ATF6: variants seen among roughly 807,000 people sequenced by gnomAD.
ATF6 encodes cyclic AMP-dependent transcription factor ATF-6 alpha.
In ATF6, 53 loss-of-function variants were observed where a neutral mutation model predicts 83.6. The observed-to-expected ratio is 0.63, with a 90% confidence interval of 0.51 to 0.80. The LOEUF is 0.80. Ranked by LOEUF, ATF6 falls within the 30% of genes least tolerant of loss-of-function variation. The probability of loss-of-function intolerance (pLI) is 0.00; values close to 1 mark genes in which losing one functional copy is unlikely to be tolerated. For missense variants in ATF6, 744 were observed against 797.9 expected, an observed-to-expected ratio of 0.93 and a Z score of 0.81; for synonymous variants, 288 against 285.8, an observed-to-expected ratio of 1.01 and a Z score of -0.08.
At chr1:161,815,429 G>A (rs1016582444) in intron 7 of ATF6, among the ~76,000 whole-genome samples, 6 of 150,882 alleles carry the variant, frequency 4.0e-5, no homozygotes, top group Admixed American at 1.3e-4. Flanking sequence ...GGCCTCAAGC[G>A]TTCCTCCTGC....
At chr1:161,774,128 A>G (rs956074523) in intron 1 of ATF6, among the ~76,000 whole-genome samples, 2 of 152,180 alleles carry the variant, frequency 1.3e-5, no homozygotes, top group African/African-American at 2.4e-5. Flanking sequence ...AAAAGCATCA[A>G]TTCATTTTAA....
At chr1:161,828,429 G>A (rs1287400457) in intron 9 of ATF6, among the ~76,000 whole-genome samples, 1 of 152,170 alleles carries the variant, frequency 6.6e-6, no homozygotes, top group Admixed American at 6.5e-5. Context: ...GCTTGTTCTG[G>A]ATATAGTTCC....
At chr1:161,861,794 C>A (rs1686891269) in intron 13 of ATF6, among the ~76,000 whole-genome samples, 1 of 152,216 alleles carries the variant, frequency 6.6e-6, no homozygotes, top group Admixed American at 6.5e-5. Context: ...GTCCTTTTCA[C>A]AGTCCACATT....
At chr1:161,786,281 C>A (rs1023428511) in intron 4 of ATF6, among the ~76,000 whole-genome samples, 1 of 152,034 alleles carries the variant, frequency 6.6e-6, no homozygotes, top group Non-Finnish European at 1.5e-5. Context: ...ACACTGCGCC[C>A]GGCCGTTCAT....
chr1:161,894,829 C>A (rs1488196027), intron 14 of ATF6, among the ~76,000 whole-genome samples: 1 of 150,814 alleles, frequency 6.6e-6, no homozygotes, highest in Non-Finnish European at 1.5e-5. Context: ...GGATTACAGG[C>A]GTGAGCTGCT....
In ATF6 at chr1:161,920,294, C is replaced by CTTTTTTTTTTTTTTTTTTTTTTTTTTTT. The variant is rs71798307; in HGVS notation, c.1804+7932_1804+7933insTTTTTTTTTTTTTTTTTTTTTTTTTTTT. Among the ~76,000 whole-genome samples the CTTTTTTTTTTTTTTTTTTTTTTTTTTTT allele has an allele frequency of 6.9e-4, 38 of 54,840 alleles. 15 individuals carry two copies. The highest frequency in any genetic ancestry group is 1.0e-3 in the Non-Finnish European group (31 of 30,140). The allele number at this position is 54,840 out of a possible 152,430, so 36.0% of individuals were successfully genotyped here. On this transcript the variant is annotated intron_variant, in intron 15 of 15. Transcript: ENST00000367942. Reference sequence around the variant, plus strand: ...TAGTTCTCTTTCTCTCTCTCTCTCTCTTTTTTTTTTTTTTTTTTGAGACAG... The same window carrying CTTTTTTTTTTTTTTTTTTTTTTTTTTTT: ...TAGTTCTCTTTCTCTCTCTCTCTCTCTTTTTTTTTTTTTTTTTTTTTTTTTTTTTTTTTTTTTTTTTTTTTTGAGACAG...
intron 7 of ATF6, among the ~76,000 whole-genome samples, chr1:161,819,114 C>G (rs1685687053): frequency 6.6e-6 from 1 of 151,950 alleles, no homozygotes; most frequent in South Asian, 2.1e-4. Flanking sequence ...TTGAGAAGGA[C>G]TGAATATAGT....
At chr1:161,792,020 G>A (rs556222715) in intron 5 of ATF6, 104 bp from the exon 6 acceptor site, 4 of 954,432 alleles carry the variant, frequency 4.2e-6, no homozygotes, top group East Asian at 4.8e-5. Context: ...ATTGTTAATC[G>A]AAGTTAAGAT....
intron 9 of ATF6, among the ~76,000 whole-genome samples, chr1:161,826,579 G>A (rs1037093776): frequency 1.3e-5 from 2 of 152,148 alleles, no homozygotes; most frequent in Non-Finnish European, 2.9e-5. Flanking sequence ...AACAGCCAGC[G>A]AAGAAGTAGT....
intron 14 of ATF6, among the ~76,000 whole-genome samples, chr1:161,865,506 G>T (rs777603824): frequency 6.6e-6 from 1 of 152,030 alleles, no homozygotes; most frequent in Admixed American, 6.6e-5. Flanking sequence ...AGTGAATGGC[G>T]GTTTAAAAAA....
chr1:161,945,832 G>GGGAATTT (rs1401304473), intron 15 of ATF6, among the ~76,000 whole-genome samples: 3 of 152,094 alleles, frequency 2.0e-5, no homozygotes, highest in Non-Finnish European at 4.4e-5. Context: ...ACAAATAATT[G>GGGAATTT]GGAATTTGGT....
At chr1:161,930,152 A>G (rs542860797) in intron 15 of ATF6, among the ~76,000 whole-genome samples, 1 of 152,370 alleles carries the variant, frequency 6.6e-6, no homozygotes, top group South Asian at 2.1e-4. Context: ...AGCCGATTGT[A>G]TGTTTTAGAA....
At chr1:161,843,685 A>T (rs576642631) in intron 9 of ATF6, among the ~76,000 whole-genome samples, 1 of 152,170 alleles carries the variant, frequency 6.6e-6, no homozygotes, top group Non-Finnish European at 1.5e-5. Context: ...AGCATTTAAC[A>T]TTCTTGTGAT....
chr1:161,884,903 A>G (rs1265061026), intron 14 of ATF6, among the ~76,000 whole-genome samples: 1 of 152,148 alleles, frequency 6.6e-6, no homozygotes, highest in Non-Finnish European at 1.5e-5. Context: ...GGCGAAAATT[A>G]TTTAAAGTAA....
chr1:161,779,768 C>T (rs1042739833), intron 2 of ATF6, among the ~76,000 whole-genome samples: 1 of 151,912 alleles, frequency 6.6e-6, no homozygotes, highest in African/African-American at 2.4e-5. Flanking sequence ...GACAGAGTCG[C>T]ACTCTGTTGC....
At chr1:161,935,459 A>G (rs1688518520) in intron 15 of ATF6, among the ~76,000 whole-genome samples, 1 of 152,210 alleles carries the variant, frequency 6.6e-6, no homozygotes, top group Non-Finnish European at 1.5e-5. Flanking sequence ...CCCTCACCAG[A>G]CATTAAATCT....
At chr1:161,852,420 A>AT (rs1034640640) in intron 11 of ATF6, among the ~76,000 whole-genome samples, 10 of 151,576 alleles carry the variant, frequency 6.6e-5, no homozygotes, top group African/African-American at 1.9e-4. Context: ...AAAAATTTGA[A>AT]TTTTTTTTTA....
intron 14 of ATF6, among the ~76,000 whole-genome samples, chr1:161,887,656 A>G (rs559876414): frequency 2.0e-5 from 3 of 152,352 alleles, no homozygotes; most frequent in South Asian, 4.1e-4. Context: ...TATGTCTAAT[A>G]GTTGTGATAT....
At chr1:161,844,215 T>G (rs550753452) in intron 9 of ATF6, among the ~76,000 whole-genome samples, 1 of 152,274 alleles carries the variant, frequency 6.6e-6, no homozygotes, top group Admixed American at 6.5e-5. Flanking sequence ...GGACATTACC[T>G]CTGAGAAGCA....
Sources: allele counts gnomAD v4.1 joint callset (sites outside exome capture counted in the v4.1 genomes callset), GRCh38; gene constraint gnomAD v4.1.1; transcripts MANE v1.5; gene names NCBI Gene and HGNC (gene_info 2026-07-23, HGNC 2026-07-21).